NYAP2: variants seen among roughly 807,000 people sequenced by gnomAD.
NYAP2 encodes neuronal tyrosine-phosphorylated phosphoinositide-3-kinase adapter 2.
NYAP2 carries 23 observed loss-of-function variants against 50.4 expected under a neutral mutation model. The observed-to-expected ratio is 0.46, with a 90% confidence interval of 0.33 to 0.65. The LOEUF (loss-of-function observed/expected upper bound fraction) is 0.65. NYAP2 is among the 30% of genes least tolerant of loss of function. NYAP2 has a pLI of 0.02. For missense variants in NYAP2, 885 were observed against 861.0 expected (o/e 1.03, Z -0.35); for synonymous variants, 394 against 365.2 (o/e 1.08, Z -0.90).
At chr2:225,456,208 G>A (rs1559184714) in intron 3 of NYAP2, among the ~76,000 whole-genome samples, 2 of 152,184 alleles carry the variant, frequency 1.3e-5, no homozygotes, top group African/African-American at 4.8e-5. Flanking sequence ...AACCAGAAAT[G>A]GCCCAGTGAA....
At chr2:225,579,023 C>T (rs1468414553) in intron 4 of NYAP2, among the ~76,000 whole-genome samples, 10 of 152,030 alleles carry the variant, frequency 6.6e-5, no homozygotes, top group Admixed American at 6.5e-4. Context: ...TCTCATACGG[C>T]ATGCACGTGC....
chr2:225,409,339 G>A (rs1260817007), intron 3 of NYAP2, among the ~76,000 whole-genome samples: 3 of 151,966 alleles, frequency 2.0e-5, no homozygotes, highest in South Asian at 4.1e-4. Context: ...CAGACAGGAT[G>A]GGGAAAAATT....
chr2:225,682,037 C>A, the NYAP2 span, among the ~76,000 whole-genome samples: 2 of 152,094 alleles, frequency 1.3e-5, no homozygotes, highest in African/African-American at 2.4e-5. Context: ...ACTATCTAGT[C>A]CTTATTGTAC....
chr2:225,590,466 A>T (rs933793874), intron 5 of NYAP2, among the ~76,000 whole-genome samples: 2 of 152,228 alleles, frequency 1.3e-5, no homozygotes, highest in African/African-American at 4.8e-5. Context: ...GGGCTTTATT[A>T]TAGACCTATT....
At chr2:225,554,039 T>C (rs1691728841) in intron 4 of NYAP2, among the ~76,000 whole-genome samples, 1 of 152,102 alleles carries the variant, frequency 6.6e-6, no homozygotes, top group Non-Finnish European at 1.5e-5. Context: ...ATGAAAAAAG[T>C]ATTTCAAAAC....
At chr2:225,615,106 A>G (rs1383364944) in intron 5 of NYAP2, among the ~76,000 whole-genome samples, 1 of 152,154 alleles carries the variant, frequency 6.6e-6, no homozygotes, top group Non-Finnish European at 1.5e-5. Flanking sequence ...TGTCATTTCC[A>G]CCTGCATTCT....
intron 5 of NYAP2, among the ~76,000 whole-genome samples, chr2:225,623,253 G>C (rs1355634499): frequency 6.6e-6 from 1 of 152,236 alleles, no homozygotes; most frequent in African/African-American, 2.4e-5. Flanking sequence ...GAGTAGGAAG[G>C]CTTTATGGGG....
Position 225,582,358 on chromosome 2 carries a change from C to A in NYAP2, c.941C>A (p.Pro314His), listed in dbSNP as rs767937385. 3 of 1,612,976 alleles carry A rather than the reference C, an allele frequency of 1.9e-6. No individual in the cohort carries two copies. Among genetic ancestry groups the A allele is most frequent in the Non-Finnish European group, 2.5e-6 (3 of 1,179,092 alleles). ...TTCGCCAAGGCCTCAGTGCCATGCC[C>A]CCCCAAGGGGCTGCTTTGCGACATC... Residue 314 changes from proline to histidine, a missense_variant, in exon 5 of 7, where the codon CCC (proline) becomes CAC (histidine). Physicochemically the swap from Pro to His is moderately conservative, Grantham distance 77. Transcript: ENST00000636099. This position sits in a 1 kb window ranked among gnomAD's most constrained non-coding sequence, Gnocchi z 7.0.
chr2:225,517,630 A>G (rs1278014796), intron 4 of NYAP2, among the ~76,000 whole-genome samples: 1 of 152,182 alleles, frequency 6.6e-6, no homozygotes, highest in African/African-American at 2.4e-5. Flanking sequence ...ACTAATGCCA[A>G]TGATTGTGCA....
intron 4 of NYAP2, among the ~76,000 whole-genome samples, chr2:225,578,946 T>C (rs890161451): frequency 6.6e-6 from 1 of 152,166 alleles, no homozygotes; most frequent in Non-Finnish European, 1.5e-5. Flanking sequence ...GATAGTAGCA[T>C]GGTCGGTTTC....
intron 4 of NYAP2, among the ~76,000 whole-genome samples, chr2:225,543,568 T>G (rs1691514355): frequency 6.6e-6 from 1 of 152,062 alleles, no homozygotes; most frequent in African/African-American, 2.4e-5. Flanking sequence ...GTTTCCAAAG[T>G]TCCTCTTTTT....
At chr2:225,561,454 C>G (rs1314404388) in intron 4 of NYAP2, among the ~76,000 whole-genome samples, 1 of 152,098 alleles carries the variant, frequency 6.6e-6, no homozygotes, top group African/African-American at 2.4e-5. Flanking sequence ...TTAGTCAACT[C>G]ATGGCATTAT....
At chr2:225,683,866 G>A in the NYAP2 span, among the ~76,000 whole-genome samples, 1 of 152,074 alleles carries the variant, frequency 6.6e-6, no homozygotes, top group Non-Finnish European at 1.5e-5. Flanking sequence ...TTCTCATAAG[G>A]GACGTTCATT....
intron 5 of NYAP2, among the ~76,000 whole-genome samples, chr2:225,614,555 A>C (rs1419884059): frequency 6.6e-6 from 1 of 152,196 alleles, no homozygotes; most frequent in South Asian, 2.1e-4. Flanking sequence ...AAGGCATTTT[A>C]TTACAACTAG....
intron 3 of NYAP2, among the ~76,000 whole-genome samples, chr2:225,435,363 G>A (rs550871851): frequency 1.8e-4 from 27 of 152,214 alleles, no homozygotes; most frequent in African/African-American, 5.8e-4. Flanking sequence ...AACTGTGCCC[G>A]TGTTATAAAT....
At chr2:225,667,368 G>C in the NYAP2 span, among the ~76,000 whole-genome samples, 1 of 152,292 alleles carries the variant, frequency 6.6e-6, no homozygotes, top group South Asian at 2.1e-4. Context: ...TTACAAAGGA[G>C]TGAGAAGTCT....
chr2:225,637,759 T>C (rs1405954457), intron 6 of NYAP2, among the ~76,000 whole-genome samples: 1 of 152,072 alleles, frequency 6.6e-6, no homozygotes, highest in Non-Finnish European at 1.5e-5. Flanking sequence ...TATTTGGATT[T>C]CTCCTGATAC....
chr2:225,619,618 C>T (rs1011827121), intron 5 of NYAP2, among the ~76,000 whole-genome samples: 4 of 152,078 alleles, frequency 2.6e-5, no homozygotes, highest in African/African-American at 7.2e-5. Flanking sequence ...ATCCAGGACA[C>T]AGATGGAGAG....
At chr2:225,621,321 A>G (rs756428245) in intron 5 of NYAP2, among the ~76,000 whole-genome samples, 4 of 152,228 alleles carry the variant, frequency 2.6e-5, no homozygotes, top group African/African-American at 4.8e-5. Context: ...TGGTTAAATT[A>G]TCTTTAATTA....
Sources: allele counts gnomAD v4.1 joint callset (sites outside exome capture counted in the v4.1 genomes callset), GRCh38; gene constraint gnomAD v4.1.1; non-coding constraint Gnocchi (gnomAD v3.1); transcripts MANE v1.5; gene names NCBI Gene and HGNC (gene_info 2026-07-23, HGNC 2026-07-21).